The following ENOX2 variants were observed in gnomAD, a reference collection of about 807,000 sequenced individuals.
ENOX2 encodes the protein APK1 antigen.
ENOX2 carries 36 observed loss-of-function variants against 45.0 expected under a neutral mutation model. The ratio of observed to expected loss-of-function variants is 0.80; its 90% CI spans 0.61 to 1.06. The LOEUF is 1.06. Ranked by LOEUF, ENOX2 falls within the 50% of genes least tolerant of loss-of-function variation. ENOX2 has a pLI of 0.00. For missense variants in ENOX2, 423 were observed against 462.5 expected, an observed-to-expected ratio of 0.91 and a Z score of 0.78; for synonymous variants, 174 against 152.3, an observed-to-expected ratio of 1.14 and a Z score of -1.05.
chrX:130,676,469 C>T (rs371416319), intron 6 of ENOX2, among the ~76,000 whole-genome samples: 11 of 111,255 alleles, frequency 9.9e-5, no homozygotes, highest in African/African-American at 3.6e-4. Context: ...GATGGAAATC[C>T]CCTTTCTTTT....
intron 3 of ENOX2, among the ~76,000 whole-genome samples, chrX:130,771,214 C>T (rs981032198): frequency 8.9e-6 from 1 of 112,017 alleles, no homozygotes; most frequent in African/African-American, 3.2e-5. Context: ...TGTGAAAGTT[C>T]ATTGGTGTAC....
chrX:130,670,274 C>G, intron 6 of ENOX2, 76 bp from the exon 7 acceptor site: 1 of 660,854 alleles, frequency 1.5e-6, no homozygotes, highest in Non-Finnish European at 2.4e-6. Context: ...GAGACAGAGA[C>G]AGAGAGAGAG....
chrX:130,711,772 G>A (rs950789425), intron 3 of ENOX2, among the ~76,000 whole-genome samples: 1 of 111,521 alleles, frequency 9.0e-6, no homozygotes, highest in African/African-American at 3.3e-5. Flanking sequence ...CTATAAGCTA[G>A]AGGGTCCTGA....
At chrX:130,636,423 A>G (rs2148028588) in intron 11 of ENOX2, among the ~76,000 whole-genome samples, 1 of 112,430 alleles carries the variant, frequency 8.9e-6, no homozygotes, top group South Asian at 3.7e-4. Context: ...ATACAGTTAA[A>G]AACTATTGCA....
chrX:130,752,724 C>T (rs1175272788), intron 3 of ENOX2, among the ~76,000 whole-genome samples: 1 of 110,769 alleles, frequency 9.0e-6, no homozygotes, highest in Non-Finnish European at 1.9e-5. Context: ...TTGTCTATCT[C>T]CTCATCTCTT....
intron 3 of ENOX2, among the ~76,000 whole-genome samples, chrX:130,765,902 T>A (rs2039604574): frequency 9.0e-6 from 1 of 111,730 alleles, no homozygotes; most frequent in Non-Finnish European, 1.9e-5. Context: ...ATTTCATATG[T>A]CTAACACTTT....
chrX:130,894,355 TAAAAAAAAAAGAA>T (rs1469412256), intron 2 of ENOX2, among the ~76,000 whole-genome samples: 11 of 80,818 alleles, frequency 1.4e-4, no homozygotes, highest in East Asian at 3.7e-4. Context: ...AAGTAAAATT[TAAAAAAAAAAGAA>T]AAAAAAAAAA....
chrX:130,767,604 T>C (rs2039647104), intron 3 of ENOX2, among the ~76,000 whole-genome samples: 1 of 112,083 alleles, frequency 8.9e-6, no homozygotes, highest in South Asian at 3.7e-4. Context: ...TACAAGCTAG[T>C]AGAATCTACG....
At chrX:130,672,173 G>A (rs1370146721) in intron 6 of ENOX2, among the ~76,000 whole-genome samples, 3 of 111,892 alleles carry the variant, frequency 2.7e-5, no homozygotes, top group Non-Finnish European at 5.6e-5. Context: ...CAATGTCTAA[G>A]TTGAAAAAAA....
Position 130,635,085 on chromosome X carries a change from G to A in ENOX2, c.1318C>T (p.Leu440Phe). The change falls in exon 12 of 15, where the codon CTC becomes TTC. Residue 440 changes from leucine (L) to phenylalanine (F), a missense_variant. Transcript: ENST00000394363. ...TTTTTGTATTCCTCTTGGACTTTGA[G>A]TAGATGCTACAAGAAAAGACCAAAG... Reference protein sequence around the residue: ...QALQGMQQHLLKVQEEYKKKE... With the variant: ...QALQGMQQHLFKVQEEYKKKE... 1 of 1,096,833 alleles carries A rather than the reference G, an allele frequency of 9.1e-7. No individual in the cohort carries two copies. Among genetic ancestry groups the A allele is most frequent in the South Asian group, 1.9e-5 (1 of 51,287 alleles). 90.4% of individuals were successfully genotyped at this position (1,096,833 alleles called of 1,213,427 possible).
intron 4 of ENOX2, among the ~76,000 whole-genome samples, chrX:130,699,147 A>G (rs1040587935): frequency 5.3e-5 from 6 of 112,429 alleles, no homozygotes; most frequent in African/African-American, 1.9e-4. Context: ...GACAGCTGCC[A>G]GCCAGAGGGG....
At chrX:130,728,095 C>G (rs1436703801) in intron 3 of ENOX2, among the ~76,000 whole-genome samples, 1 of 111,319 alleles carries the variant, frequency 9.0e-6, no homozygotes, top group Non-Finnish European at 1.9e-5. Context: ...CTTTGTGGGT[C>G]CTGTGTGCTG....
intron 2 of ENOX2, among the ~76,000 whole-genome samples, chrX:130,888,439 T>C (rs2078941588): frequency 8.9e-6 from 1 of 112,233 alleles, no homozygotes; most frequent in African/African-American, 3.2e-5. Context: ...TTTCTAACTA[T>C]GTGACTCTGG....
chrX:130,675,373 A>C (rs2037119208), intron 6 of ENOX2, among the ~76,000 whole-genome samples: 1 of 112,656 alleles, frequency 8.9e-6, no homozygotes, highest in Admixed American at 9.4e-5. Flanking sequence ...GCATCCATGG[A>C]CAAAAGACAC....
chrX:130,685,284 A>T (rs1362287962), intron 5 of ENOX2, among the ~76,000 whole-genome samples: 3 of 111,006 alleles, frequency 2.7e-5, no homozygotes, highest in Non-Finnish European at 5.7e-5. Context: ...GGAGGGGAGG[A>T]ACAGATCATA....
chrX:130,747,356 C>G (rs1043992733), intron 3 of ENOX2, among the ~76,000 whole-genome samples: 2 of 110,984 alleles, frequency 1.8e-5, no homozygotes, highest in African/African-American at 6.6e-5. Context: ...GAGAAATGGC[C>G]TTTTAAATGA....
At chrX:130,791,887 C>T (rs1173538547) in intron 2 of ENOX2, among the ~76,000 whole-genome samples, 1 of 112,114 alleles carries the variant, frequency 8.9e-6, no homozygotes, top group African/African-American at 3.2e-5. Flanking sequence ...TGAGAGAATA[C>T]TATAAAAGAG....
At chrX:130,803,730 T>C (rs1214948804) in intron 2 of ENOX2, among the ~76,000 whole-genome samples, 2 of 111,463 alleles carry the variant, frequency 1.8e-5, no homozygotes, top group Non-Finnish European at 3.8e-5. Context: ...AAAAGAAAAA[T>C]GCTGACTACT....
chrX:130,690,076 C>T (rs1172815068), intron 4 of ENOX2, among the ~76,000 whole-genome samples: 7 of 110,976 alleles, frequency 6.3e-5, no homozygotes, highest in Non-Finnish European at 1.3e-4. Context: ...TGGATAGTAT[C>T]GCAAAGGGGA....
Sources: allele counts gnomAD v4.1 joint callset (sites outside exome capture counted in the v4.1 genomes callset), GRCh38; gene constraint gnomAD v4.1.1; transcripts MANE v1.5; gene names NCBI Gene and HGNC (gene_info 2026-07-23, HGNC 2026-07-21).